Variants in SYTL2 observed in about 807,000 individuals in gnomAD.
The protein encoded by SYTL2 is synaptotagmin-like protein 2.
SYTL2 carries 165 observed loss-of-function variants against 198.7 expected under a neutral mutation model. The observed-to-expected ratio is 0.83, with a 90% confidence interval of 0.73 to 0.94. The LOEUF is 0.94. Ranked by LOEUF, SYTL2 falls within the 40% of genes least tolerant of loss-of-function variation. SYTL2 has a pLI of 0.00. For synonymous variants in SYTL2, 966 were observed against 917.7 expected, an observed-to-expected ratio of 1.05 and a Z score of -0.95; for missense variants, 2,835 against 2,582.8, an observed-to-expected ratio of 1.10 and a Z score of -2.12.
Position 85,727,141 on chromosome 11 carries a change from AT to A in SYTL2, c.2216del (p.Asn739IlefsTer5). 6.5e-7 allele frequency: 1 copy of A among 1,536,324 alleles called. No homozygotes were observed. The highest frequency in any genetic ancestry group is 8.7e-7 in the Non-Finnish European group (1 of 1,146,886). On this transcript the variant is annotated frameshift_variant, in exon 8 of 20. Transcript: ENST00000359152. LOFTEE classifies it high-confidence loss of function. Reference protein sequence around the residue: ...MNAERKSKVGNTYILKASLEP... With the variant: ...MNAERKSKVGXTYILKASLEP... ...CTAAGGAGGCTTTCAGGATATAGGTATTTCCTACTTTGCTCTTTCTCTCTGC... is the reference window on the plus strand; with the variant it reads ...CTAAGGAGGCTTTCAGGATATAGGTATTCCTACTTTGCTCTTTCTCTCTGC...
At chr11:85,818,662 T>TATCC in the SYTL2 span, among the ~76,000 whole-genome samples, 1 of 149,502 alleles carries the variant, frequency 6.7e-6, no homozygotes, top group African/African-American at 2.5e-5. Flanking sequence ...AATTACTATC[T>TATCC]ATCTATCTAT....
chr11:85,769,114 A>G (rs555883930), intron 1 of SYTL2, among the ~76,000 whole-genome samples: 1 of 152,392 alleles, frequency 6.6e-6, no homozygotes, highest in African/African-American at 2.4e-5. Context: ...TTGATAAGTT[A>G]TGTTCCATAA....
At chr11:85,748,946 G>A (rs992731454) in intron 2 of SYTL2, among the ~76,000 whole-genome samples, 4 of 152,142 alleles carry the variant, frequency 2.6e-5, no homozygotes, top group Admixed American at 6.5e-5. Flanking sequence ...GGTGATATGA[G>A]TTTATTAGAG....
At chr11:85,721,184 A>C (rs986975664) in intron 8 of SYTL2, among the ~76,000 whole-genome samples, 1 of 152,170 alleles carries the variant, frequency 6.6e-6, no homozygotes, top group Non-Finnish European at 1.5e-5. Context: ...ACCCTACAAA[A>C]ACAAGATTAC....
the SYTL2 span, among the ~76,000 whole-genome samples, chr11:85,836,787 A>G: frequency 1.3e-5 from 2 of 152,214 alleles, no homozygotes; most frequent in African/African-American, 4.8e-5. Flanking sequence ...TTATGCCTCC[A>G]AAGTCATAAT....
chr11:85,728,712 GA>G (rs1460742637), intron 7 of SYTL2, among the ~76,000 whole-genome samples: 1 of 152,150 alleles, frequency 6.6e-6, no homozygotes, highest in East Asian at 1.9e-4. Flanking sequence ...ATAAACCCTA[GA>G]GGGGGCTTAA....
intron 9 of SYTL2, chr11:85,719,047 C>A: frequency 6.6e-7 from 1 of 1,516,100 alleles, no homozygotes; most frequent in Non-Finnish European, 8.8e-7. Context: ...CATTTCAGCC[C>A]GGATGCAGCT....
chr11:85,755,003 A>G (rs1474018491), intron 2 of SYTL2, among the ~76,000 whole-genome samples: 1 of 152,180 alleles, frequency 6.6e-6, no homozygotes, highest in African/African-American at 2.4e-5. Flanking sequence ...TTTCTGTAAA[A>G]TGACTGATAT....
At chr11:85,710,520 A>C (rs1191330868) in intron 13 of SYTL2, among the ~76,000 whole-genome samples, 2 of 152,246 alleles carry the variant, frequency 1.3e-5, no homozygotes, top group Non-Finnish European at 2.9e-5. Context: ...ATATATTTAC[A>C]TATATTTTTA....
At position 85,695,334 on chromosome 11, in the gene SYTL2, C is replaced by A; in HGVS notation, c.6581G>T (p.Ser2194Ile). 1 of 1,543,614 alleles carries A rather than the reference C, an allele frequency of 6.5e-7. No individual in the cohort carries two copies. Among genetic ancestry groups the A allele is most frequent in the South Asian group, 1.2e-5 (1 of 81,652 alleles). The change falls in exon 20 of 20, where the codon AGT (serine) becomes ATT (isoleucine). Residue 2194 changes from serine (S) to isoleucine (I), a missense_variant. By Grantham distance (142) the Ser-to-Ile change is moderately radical. Coordinates refer to ENST00000359152, the MANE Select transcript of SYTL2 (RefSeq NM_206927.4). The stretch of plus-strand genomic sequence containing the variant: ...CATCCAGTCCACTTCAGTCCCATAA[C>A]TTTTACCTGAAAAAAGGAAGCTTTG... ...GLRIGFGTGK[S>I]YGTEVDWMDS...
chr11:85,701,620 T>C (rs532842735), intron 16 of SYTL2, among the ~76,000 whole-genome samples: 2 of 152,338 alleles, frequency 1.3e-5, no homozygotes, highest in Non-Finnish European at 2.9e-5. Flanking sequence ...AGGTCTTGGG[T>C]AGGGCTAGAA....
chr11:85,818,338 C>T, the SYTL2 span, among the ~76,000 whole-genome samples: 1 of 152,130 alleles, frequency 6.6e-6, no homozygotes, highest in Non-Finnish European at 1.5e-5. Flanking sequence ...ATTATAAATA[C>T]TTATTGAATG....
At chr11:85,842,830 C>A in the SYTL2 span, among the ~76,000 whole-genome samples, 2 of 152,170 alleles carry the variant, frequency 1.3e-5, no homozygotes, top group Admixed American at 6.5e-5. Flanking sequence ...GGTAGGAAGC[C>A]ATCTCATCAG....
intron 1 of SYTL2, among the ~76,000 whole-genome samples, chr11:85,802,099 C>T (rs1479159498): frequency 1.3e-5 from 2 of 152,066 alleles, no homozygotes; most frequent in African/African-American, 4.8e-5. Context: ...CAGGCATGGG[C>T]CACCGTGCCT....
chr11:85,722,395 CGATATCCTCACCTCAT>C (rs2088469624), intron 8 of SYTL2, among the ~76,000 whole-genome samples: 1 of 151,950 alleles, frequency 6.6e-6, no homozygotes, highest in Non-Finnish European at 1.5e-5. Context: ...AGGATGGTCT[CGATATCCTCACCTCAT>C]GATCTGCCCG....
At chr11:85,737,443 G>C (rs2090438181) in intron 5 of SYTL2, 132 bp downstream of exon 5, 1 of 675,706 alleles carries the variant, frequency 1.5e-6, no homozygotes, top group East Asian at 2.7e-5. Flanking sequence ...TCTTAAAATA[G>C]TGAAAATTAC....
intron 2 of SYTL2, among the ~76,000 whole-genome samples, chr11:85,750,820 C>T (rs1166739666): frequency 6.6e-6 from 1 of 152,088 alleles, no homozygotes; most frequent in Non-Finnish European, 1.5e-5. Context: ...GCAGGACATG[C>T]TCATCTCTCA....
In SYTL2 at chr11:85,727,264, G is replaced by C. The variant is rs1245934379; in HGVS notation, c.2094C>G (p.Pro698=). 7 of 1,534,946 alleles carry C rather than the reference G, an allele frequency of 4.6e-6. No individual in the cohort carries two copies. In the African/African-American group the frequency reaches 6.9e-5, roughly 15 times the overall value. Residue 698 remains proline, a synonymous_variant, in exon 8 of 20, where the codon CCC becomes CCG. Coordinates refer to ENST00000359152, the MANE Select transcript of SYTL2 (RefSeq NM_206927.4). ...NNIGNLGEEE[P]KFHAHEENRG... ...TATTTTCTTCATGAGCATGAAACTT[G>C]GGTTCTTCTTCACCCAAGTTGCCAA...
At position 85,745,590 on chromosome 11, in the gene SYTL2, G is replaced by A. The variant is rs780186687; in HGVS notation, c.389+47C>T. On this transcript the variant is annotated intron_variant, in intron 4 of 19. Coordinates refer to ENST00000359152, the MANE Select transcript of SYTL2 (RefSeq NM_206927.4). ...CCATTCTGCCCATGTGACACCCCAG[G>A]CCATGAAAGCCACATGCAGCAGCTC... The A allele has an allele frequency of 2.5e-6, 4 of 1,586,346 alleles. No homozygotes were observed. In the South Asian group the frequency reaches 3.4e-5, roughly 13 times the overall value.
Sources: allele counts gnomAD v4.1 joint callset (sites outside exome capture counted in the v4.1 genomes callset), GRCh38; gene constraint gnomAD v4.1.1; transcripts MANE v1.5; gene names NCBI Gene and HGNC (gene_info 2026-07-23, HGNC 2026-07-21).